The following MTUS2 variants were observed in gnomAD, a reference collection of about 807,000 sequenced individuals.
MTUS2 encodes microtubule-associated tumor suppressor candidate 2.
Under a neutral mutation model 114.1 loss-of-function variants are expected in MTUS2, and 40 were observed. That is an observed-to-expected ratio of 0.35 (90% CI 0.27 to 0.46). The LOEUF (loss-of-function observed/expected upper bound fraction) is 0.46. Ranked by LOEUF, MTUS2 falls within the 20% of genes least tolerant of loss-of-function variation. MTUS2 has a pLI of 1.00. For synonymous variants in MTUS2, 688 were observed against 672.0 expected (o/e 1.02, Z -0.37); for missense variants, 1,679 against 1,705.4 (o/e 0.98, Z 0.27).
intron 5 of MTUS2, among the ~76,000 whole-genome samples, chr13:29,217,426 T>C (rs1244965612): frequency 6.6e-6 from 1 of 152,250 alleles, no homozygotes; most frequent in Non-Finnish European, 1.5e-5. Context: ...TTTCAGTGCA[T>C]ATAAAACTTA....
intron 2 of MTUS2, among the ~76,000 whole-genome samples, chr13:28,945,922 G>A (rs1882501796): frequency 1.3e-5 from 2 of 152,132 alleles, no homozygotes; most frequent in Non-Finnish European, 2.9e-5. Context: ...TTTTCTGGTA[G>A]GTACTCTTTT....
At chr13:29,149,537 G>A (rs2139034201) in intron 5 of MTUS2, among the ~76,000 whole-genome samples, 1 of 152,206 alleles carries the variant, frequency 6.6e-6, no homozygotes, top group Admixed American at 6.5e-5. Context: ...GTTCCCATTT[G>A]TCAATTTTAG....
chr13:29,362,557 C>A (rs911623568), intron 8 of MTUS2, among the ~76,000 whole-genome samples: 1 of 151,986 alleles, frequency 6.6e-6, no homozygotes, highest in African/African-American at 2.4e-5. Context: ...TGTGGTGGCA[C>A]GTGCCTGTGA....
chr13:29,204,541 G>A (rs1194679069), intron 5 of MTUS2, among the ~76,000 whole-genome samples: 5 of 152,130 alleles, frequency 3.3e-5, no homozygotes, highest in Non-Finnish European at 4.4e-5. Context: ...CTTGGGAAGG[G>A]GCTGGGTGGA....
At chr13:29,094,161 T>C (rs1890079991) in intron 4 of MTUS2, among the ~76,000 whole-genome samples, 1 of 152,116 alleles carries the variant, frequency 6.6e-6, no homozygotes, top group Admixed American at 6.5e-5. Flanking sequence ...TATAGTTTTC[T>C]TGAGATGTCT....
chr13:29,203,162 A>G (rs528100586), intron 5 of MTUS2, among the ~76,000 whole-genome samples: 2 of 152,198 alleles, frequency 1.3e-5, no homozygotes, highest in Non-Finnish European at 2.9e-5. Context: ...AATTCTATCT[A>G]TAAGCCCCTG....
At chr13:29,163,583 G>T (rs1482176280) in intron 5 of MTUS2, among the ~76,000 whole-genome samples, 1 of 151,646 alleles carries the variant, frequency 6.6e-6, no homozygotes, top group African/African-American at 2.4e-5. Context: ...CCATTCTAGG[G>T]GTTGGCTCTG....
At chr13:29,411,770 T>C (rs1045714559) in intron 8 of MTUS2, among the ~76,000 whole-genome samples, 1 of 152,240 alleles carries the variant, frequency 6.6e-6, no homozygotes, top group African/African-American at 2.4e-5. Context: ...CATTTAAAGT[T>C]TTCCTCAGAG....
At chr13:29,336,058 A>G (rs1229901003) in intron 7 of MTUS2, among the ~76,000 whole-genome samples, 1 of 152,126 alleles carries the variant, frequency 6.6e-6, no homozygotes, top group Non-Finnish European at 1.5e-5. Flanking sequence ...TCTTCTCTAA[A>G]CTGGTTATTC....
intron 5 of MTUS2, among the ~76,000 whole-genome samples, chr13:29,148,539 T>C (rs549208473): frequency 0.022 from 1,394 of 62,234 alleles, 95 homozygotes; most frequent in African/African-American, 0.046. Flanking sequence ...AGTGCAGTGG[T>C]GGGACCTCGG....
rs551684318 is a variant in MTUS2 at position 29,167,876 on chromosome 13, A to C, written c.2644+66906A>C. Reference sequence around the variant, plus strand: ...AACATTTCAGGTAAAGGATACGCAGATATTGTATGTATTATTCATGTATGC... The same window carrying C: ...AACATTTCAGGTAAAGGATACGCAGCTATTGTATGTATTATTCATGTATGC... On this transcript the variant is annotated intron_variant, in intron 5 of 15. Coordinates refer to ENST00000612955, the MANE Select transcript of MTUS2 (RefSeq NM_001033602.4). Among the ~76,000 whole-genome samples the C allele has an allele frequency of 3.9e-5, 6 of 152,332 alleles. No homozygotes were observed. The South Asian group carries it at 1.2e-3, about 32-fold the overall frequency.
intron 7 of MTUS2, among the ~76,000 whole-genome samples, chr13:29,348,279 G>A (rs9508395): frequency 0.73 from 110,448 of 151,430 alleles, 44,345 homozygotes; most frequent in East Asian, 0.9. Flanking sequence ...AAGGGATTTA[G>A]GAGCTTTGTG....
At position 29,055,741 on chromosome 13, in the gene MTUS2, T is replaced by A. The variant is rs535978097; in HGVS notation, c.2446+21616T>A. The stretch of plus-strand genomic sequence containing the variant: ...CTCTTACTTTTTGACTTTTTAGTAA[T>A]TGCCATTCTAACTGGTGTGAGATGG... On this transcript the variant is annotated intron_variant, in intron 4 of 15. Coordinates refer to ENST00000612955, the MANE Select transcript of MTUS2 (RefSeq NM_001033602.4). 1.1e-4 allele frequency among the ~76,000 whole-genome samples: 16 copies of A among 152,308 alleles called. No homozygotes were observed. The South Asian group carries it at 2.7e-3, about 26-fold the overall frequency.
intron 4 of MTUS2, among the ~76,000 whole-genome samples, chr13:29,065,955 C>G (rs1263862821): frequency 1.3e-5 from 2 of 152,102 alleles, no homozygotes; most frequent in Non-Finnish European, 2.9e-5. Flanking sequence ...GTCAGGTTTC[C>G]TCCCGCTTCC....
intron 7 of MTUS2, among the ~76,000 whole-genome samples, chr13:29,343,619 C>T (rs1182587116): frequency 6.6e-6 from 1 of 151,754 alleles, no homozygotes; most frequent in East Asian, 1.9e-4. Context: ...TTTCATTTAT[C>T]TTTTGTATTA....
At chr13:28,865,120 TAC>T (rs1258095324) in intron 2 of MTUS2, among the ~76,000 whole-genome samples, 4 of 152,300 alleles carry the variant, frequency 2.6e-5, no homozygotes, top group East Asian at 1.9e-4. Flanking sequence ...GGGGTGTGTA[TAC>T]ACACACGTGT....
intron 2 of MTUS2, among the ~76,000 whole-genome samples, chr13:28,851,886 A>G (rs1876299952): frequency 6.6e-6 from 1 of 151,222 alleles, no homozygotes; most frequent in African/African-American, 2.4e-5. Context: ...TGCTGTTTCC[A>G]CTCTTCCCTC....
rs536092062 is a variant in MTUS2 at position 29,224,393 on chromosome 13, T to G, written c.2645-57311T>G. Among the ~76,000 whole-genome samples the G allele has an allele frequency of 5.3e-5, 8 of 152,358 alleles. No individual in the cohort carries two copies. The East Asian group carries it at 1.2e-3, about 22-fold the overall frequency. ...ACGCTTTATTTATTTTCCATGTTGC[T>G]TAGCTACTCTTTTTTTAATGTCTTT... is the stretch of plus-strand genomic sequence containing the variant. On this transcript the variant is annotated intron_variant, in intron 5 of 15. Transcript: ENST00000612955.
chr13:28,896,025 A>C (rs1456197118), intron 2 of MTUS2, among the ~76,000 whole-genome samples: 1 of 152,224 alleles, frequency 6.6e-6, no homozygotes, highest in Non-Finnish European at 1.5e-5. Flanking sequence ...AGAGGATAAA[A>C]GAAAACATAA....
Sources: allele counts gnomAD v4.1 joint callset (sites outside exome capture counted in the v4.1 genomes callset), GRCh38; gene constraint gnomAD v4.1.1; transcripts MANE v1.5; gene names NCBI Gene and HGNC (gene_info 2026-07-23, HGNC 2026-07-21).